Variants in KBTBD12 observed in about 807,000 individuals in gnomAD.
KBTBD12 encodes the protein kelch repeat and BTB domain containing 12.
KBTBD12 carries 53 observed loss-of-function variants against 58.7 expected under a neutral mutation model. The observed-to-expected ratio is 0.90, with a 90% confidence interval of 0.72 to 1.14. The LOEUF is 1.14. Ranked by LOEUF, KBTBD12 falls within the 50% of genes most tolerant of loss-of-function variation. The pLI, the probability that KBTBD12 is intolerant of heterozygous loss-of-function variation, is 0.00. For synonymous variants in KBTBD12, 236 were observed against 259.8 expected (o/e 0.91, Z 0.88); for missense variants, 704 against 751.3 (o/e 0.94, Z 0.74).
chr3:127,960,708 C>G (rs896434273), intron 4 of KBTBD12, among the ~76,000 whole-genome samples: 1 of 152,220 alleles, frequency 6.6e-6, no homozygotes, highest in Non-Finnish European at 1.5e-5. Flanking sequence ...CCAAGTGAGA[C>G]AGAGAATGTG....
At position 127,927,744 on chromosome 3, in the gene KBTBD12, A is replaced by ACT. The variant is rs532480049; in HGVS notation, c.1071-9_1071-8dup. ...TTTCATGTTACCTCTAATCCTGGAT[A>ACT]CTCTCTCTCTCTTTTGCAGGTATCA... On this transcript the variant is annotated intron_variant, in intron 2 of 5. Transcript: ENST00000405109. 22 of 1,442,636 alleles carry ACT rather than the reference A, an allele frequency of 1.5e-5. No individual in the cohort carries two copies. Among genetic ancestry groups the ACT allele is most frequent in the African/African-American group, 1.4e-4 (10 of 70,792 alleles). The allele number at this position is 1,442,636 out of a possible 1,614,324, so 89.4% of individuals were successfully genotyped here.
At chr3:127,979,045 C>A (rs1413920546) in intron 5 of KBTBD12, among the ~76,000 whole-genome samples, 3 of 152,156 alleles carry the variant, frequency 2.0e-5, no homozygotes, top group African/African-American at 7.2e-5. Flanking sequence ...GGAAACACAG[C>A]CCACAGAAGG....
At chr3:127,965,270 C>G (rs1162732610) in intron 5 of KBTBD12, among the ~76,000 whole-genome samples, 9 of 152,210 alleles carry the variant, frequency 5.9e-5, no homozygotes, top group Non-Finnish European at 1.3e-4. Context: ...TAAACTCATA[C>G]TATGAGCTAA....
rs781516634 is a variant in KBTBD12, at chr3:127,923,388, T to C, written c.327T>C (p.Tyr109=). 29 of 1,613,644 alleles carry C rather than the reference T, an allele frequency of 1.8e-5. No homozygotes were observed. Among genetic ancestry groups the C allele is most frequent in the Non-Finnish European group, 2.3e-5 (27 of 1,179,782 alleles). ...ANVQTVAMAA[Y]FMQMEEVFSV... is the part of the protein sequence containing the mutation. ...TACAGACTGTAGCTATGGCTGCCTA[T>C]TTTATGCAGATGGAAGAAGTCTTCA... is the stretch of plus-strand genomic sequence containing the variant. Residue 109 remains tyrosine, a synonymous_variant, in exon 2 of 6, where the codon TAT becomes TAC. Transcript: ENST00000405109.
intron 2 of KBTBD12, among the ~76,000 whole-genome samples, chr3:127,927,214 C>T (rs935325402): frequency 1.6e-4 from 25 of 152,106 alleles, no homozygotes; most frequent in Non-Finnish European, 2.2e-4. Context: ...GGTTTTTATA[C>T]AGTGCTCTTG....
chr3:127,964,637 T>G (rs1940525854), intron 5 of KBTBD12, among the ~76,000 whole-genome samples: 1 of 80,816 alleles, frequency 1.2e-5, no homozygotes, highest in South Asian at 5.4e-4. Flanking sequence ...CGAGACTCCA[T>G]CTCAAAAAAA....
In KBTBD12 at chr3:127,930,248, G is replaced by A; in HGVS notation, c.1457G>A (p.Ser486Asn). The change falls in exon 4 of 6, where the codon AGT becomes AAT. Residue 486 changes from serine to asparagine, a missense_variant. Physicochemically the swap from Ser to Asn is conservative, Grantham distance 46. Coordinates refer to ENST00000405109, the MANE Select transcript of KBTBD12 (RefSeq NM_207335.4). Reference sequence around the variant, plus strand: ...ATGAAGTACTCTAAGTACCGATTCAGTACAGCTGTAGTCAACAGTGAGATT... The same window carrying A: ...ATGAAGTACTCTAAGTACCGATTCAATACAGCTGTAGTCAACAGTGAGATT... ...APMKYSKYRF[S>N]TAVVNSEIYV... 6.2e-7 allele frequency: 1 copy of A among 1,611,528 alleles called. No individual in the cohort carries two copies. Among genetic ancestry groups the A allele is most frequent in the Non-Finnish European group, 8.5e-7 (1 of 1,178,678 alleles).
At chr3:127,970,290 C>T (rs529386076) in intron 5 of KBTBD12, among the ~76,000 whole-genome samples, 14 of 152,148 alleles carry the variant, frequency 9.2e-5, no homozygotes, top group East Asian at 1.9e-4. Flanking sequence ...CAAGTATTGT[C>T]GAGGTTTGGA....
intron 4 of KBTBD12, among the ~76,000 whole-genome samples, chr3:127,946,071 C>G (rs1455922891): frequency 1.3e-5 from 2 of 152,214 alleles, no homozygotes; most frequent in Non-Finnish European, 2.9e-5. Context: ...TTTACCTCTT[C>G]TCAAACAATA....
chr3:127,942,597 A>G (rs1397871315), intron 4 of KBTBD12, among the ~76,000 whole-genome samples: 2 of 150,252 alleles, frequency 1.3e-5, no homozygotes, highest in Non-Finnish European at 3.0e-5. Context: ...GAATGCTGCA[A>G]TGAAGATGAG....
At chr3:127,926,578 C>A (rs1377317137) in intron 2 of KBTBD12, among the ~76,000 whole-genome samples, 1 of 152,124 alleles carries the variant, frequency 6.6e-6, no homozygotes, top group African/African-American at 2.4e-5. Flanking sequence ...AAGGAGCATG[C>A]CTTCTAACTG....
Position 127,987,412 on chromosome 3 carries a change from G to T in KBTBD12, c.*3134G>T, listed in dbSNP as rs1940989151. Reference sequence around the variant, plus strand: ...ACTCCTGTTTTCACTTTAATAGAAGGCTGTTGCAGTACTGCATGATGGGCT... The same window carrying T: ...ACTCCTGTTTTCACTTTAATAGAAGTCTGTTGCAGTACTGCATGATGGGCT... On this transcript the variant is annotated 3_prime_UTR_variant, in exon 6 of 6. Coordinates refer to ENST00000405109, the MANE Select transcript of KBTBD12 (RefSeq NM_207335.4). 6.6e-6 allele frequency: 1 copy of T among 152,156 alleles called. No individual in the cohort carries two copies. Among genetic ancestry groups the T allele is most frequent in the African/African-American group, 2.4e-5 (1 of 41,422 alleles). The allele number at this position is 152,156 out of a possible 1,614,324, so 9.4% of individuals were successfully genotyped here.
chr3:127,955,615 A>G (rs1006124431), intron 4 of KBTBD12, among the ~76,000 whole-genome samples: 1 of 152,242 alleles, frequency 6.6e-6, no homozygotes, highest in East Asian at 1.9e-4. Flanking sequence ...TGAGTCTAAA[A>G]TGAAACCTAG....
In KBTBD12 at chr3:127,924,093, ACT is replaced by A. The variant is rs781467567; in HGVS notation, c.1037_1038del (p.Ser346Ter). Reference sequence around the variant, plus strand: ...TGGCTGGAGAAGCAAGTGCCTCTAAACTCTCTAGACAAAAGAACAAGAATGTT... The same window carrying A: ...TGGCTGGAGAAGCAAGTGCCTCTAAACTCTAGACAAAAGAACAAGAATGTT... ...IVAGEASASK[L>X]SRQKNKNVEI... On this transcript the variant is annotated frameshift_variant, in exon 2 of 6. Transcript: ENST00000405109. LOFTEE classifies it high-confidence loss of function. 1.9e-6 allele frequency: 3 copies of A among 1,612,620 alleles called. No homozygotes were observed. The highest frequency in any genetic ancestry group is 2.5e-6 in the Non-Finnish European group (3 of 1,179,230).
chr3:127,928,610 AG>A (rs1223191978), intron 3 of KBTBD12, among the ~76,000 whole-genome samples: 1 of 152,244 alleles, frequency 6.6e-6, no homozygotes. Flanking sequence ...GTGAAAAGTC[AG>A]GGGTGTGTGG....
intron 1 of KBTBD12, among the ~76,000 whole-genome samples, chr3:127,920,274 T>C (rs925160139): frequency 6.6e-6 from 1 of 152,206 alleles, no homozygotes; most frequent in Non-Finnish European, 1.5e-5. Flanking sequence ...ACATATAATA[T>C]TGCTTTGCAT....
intron 4 of KBTBD12, among the ~76,000 whole-genome samples, chr3:127,949,422 T>C (rs1405682811): frequency 1.3e-5 from 2 of 152,068 alleles, no homozygotes; most frequent in East Asian, 1.9e-4. Flanking sequence ...TATCTCTAAA[T>C]GAGGGAGAGC....
chr3:127,925,798 G>A (rs907710405), intron 2 of KBTBD12, among the ~76,000 whole-genome samples: 1 of 152,134 alleles, frequency 6.6e-6, no homozygotes, highest in African/African-American at 2.4e-5. Flanking sequence ...CTGATGTTCT[G>A]TGTAGTTAAA....
Sources: gnomAD v4.1 joint callset for allele counts (sites outside exome capture counted in the v4.1 genomes callset) on GRCh38, gnomAD v4.1.1 for gene constraint, MANE v1.5 for transcripts, NCBI Gene and HGNC (gene_info 2026-07-23, HGNC 2026-07-21) for gene names.